Variants in CD36 observed in about 807,000 individuals in gnomAD.
The protein encoded by CD36 is platelet glycoprotein 4.
CD36 carries 119 observed loss-of-function variants against 55.2 expected under a neutral mutation model. The ratio of observed to expected loss-of-function variants is 2.15; its 90% CI spans 1.86 to 2.51. The LOEUF is 2.51. Among genes scored for constraint, CD36 ranks in the 30% most tolerant of loss-of-function variants. CD36 has a pLI of 0.00. For missense variants in CD36, 819 were observed against 555.5 expected (o/e 1.47, Z -4.77); for synonymous variants, 186 against 193.6 (o/e 0.96, Z 0.33).
intron 8 of CD36, among the ~76,000 whole-genome samples, chr7:80,667,052 G>C (rs1264130227): frequency 2.6e-5 from 4 of 152,106 alleles, no homozygotes; most frequent in Non-Finnish European, 4.4e-5. Flanking sequence ...TTAGATTTAA[G>C]GTATGGTTAG....
At chr7:80,603,740 A>C (rs1374345847) in intron 1 of CD36, among the ~76,000 whole-genome samples, 1 of 149,968 alleles carries the variant, frequency 6.7e-6, no homozygotes, top group Non-Finnish European at 1.5e-5. Flanking sequence ...GGAAAAGATA[A>C]GCTCTGGAAC....
rs1797601816 is a variant in CD36 at position 80,670,967 on chromosome 7, C to G, written c.819-10C>G. The G allele has an allele frequency of 1.9e-6, 3 of 1,600,670 alleles. No individual in the cohort carries two copies. In the South Asian group the frequency reaches 3.3e-5, roughly 18 times the overall value. On this transcript the variant is annotated splice_polypyrimidine_tract_variant and intron_variant, in intron 9 of 14. Transcript: ENST00000447544. Reference sequence around the variant, plus strand: ...TTCCTGGAATGCAGCTCTTTTTTCTCTGTATTTAGGTCAATCTATGCTGTA... The same window carrying G: ...TTCCTGGAATGCAGCTCTTTTTTCTGTGTATTTAGGTCAATCTATGCTGTA...
At chr7:80,611,116 C>G (rs941376689) in intron 1 of CD36, among the ~76,000 whole-genome samples, 2 of 152,104 alleles carry the variant, frequency 1.3e-5, no homozygotes, top group African/African-American at 4.8e-5. Context: ...CTCATGGCCT[C>G]AAGCAATCCT....
intron 5 of CD36, chr7:80,662,521 GCAA>G (rs1287128507): frequency 5.6e-5 from 16 of 287,278 alleles, no homozygotes; most frequent in African/African-American, 3.7e-4. Context: ...GAACACGCCT[GCAA>G]CAATTGTCTG....
At chr7:80,668,959 ATTC>A (rs1463033018) in intron 8 of CD36, among the ~76,000 whole-genome samples, 1 of 152,234 alleles carries the variant, frequency 6.6e-6, no homozygotes, top group South Asian at 2.1e-4. Context: ...CAAAAAGTAA[ATTC>A]AATAAATGAC....
At chr7:80,615,693 C>T (rs1017401495) in intron 1 of CD36, among the ~76,000 whole-genome samples, 4 of 152,168 alleles carry the variant, frequency 2.6e-5, no homozygotes, top group Admixed American at 1.3e-4. Flanking sequence ...TTCTTTAGTA[C>T]GTTTCCTTTC....
At chr7:80,632,439 A>G (rs1794135172) in intron 1 of CD36, among the ~76,000 whole-genome samples, 1 of 152,066 alleles carries the variant, frequency 6.6e-6, no homozygotes, top group African/African-American at 2.4e-5. Flanking sequence ...GCATATCTGC[A>G]TATGTATTTC....
At chr7:80,636,927 A>G (rs994946153), upstream of CD36, 1 of 152,062 alleles carries the variant, frequency 6.6e-6, no homozygotes, top group Non-Finnish European at 1.5e-5. Context: ...TGGACTGCTC[A>G]TGGGACTCTG....
At chr7:80,603,692 A>T (rs1300029675) in intron 1 of CD36, among the ~76,000 whole-genome samples, 1 of 146,758 alleles carries the variant, frequency 6.8e-6, no homozygotes. Context: ...AGTTCAAGAA[A>T]GCTAACACCT....
intron 8 of CD36, among the ~76,000 whole-genome samples, chr7:80,669,595 A>G (rs1554345243): frequency 6.6e-6 from 1 of 151,782 alleles, no homozygotes; most frequent in Non-Finnish European, 1.5e-5. Flanking sequence ...AGGCAGGCCT[A>G]TCCTGCCTCA....
chr7:80,615,899 A>G (rs565840055), intron 1 of CD36, among the ~76,000 whole-genome samples: 40 of 152,200 alleles, frequency 2.6e-4, no homozygotes, highest in African/African-American at 9.1e-4. Flanking sequence ...TTCACTTTTC[A>G]TTTGTCAGGA....
At chr7:80,636,216 G>T (rs1370284809), upstream of CD36, among the ~76,000 whole-genome samples, 1 of 152,084 alleles carries the variant, frequency 6.6e-6, no homozygotes, top group Admixed American at 6.6e-5. Context: ...ATGAAATGGG[G>T]AGTGTTGAGT....
At chr7:80,657,028 A>G (rs3211864) in intron 4 of CD36, among the ~76,000 whole-genome samples, 10,245 of 152,220 alleles carry the variant, frequency 0.067, 374 homozygotes, top group Middle Eastern at 0.12. Context: ...TTATTGTGGC[A>G]TATATTCTCA....
chr7:80,662,906 A>T, intron 5 of CD36, 84 bp from the exon 6 acceptor site: 1 of 1,125,600 alleles, frequency 8.9e-7, no homozygotes, highest in South Asian at 1.3e-5. Flanking sequence ...GTTTTGTATT[A>T]AGCTCAATAT....
At chr7:80,673,454 A>G (rs758060335) in intron 13 of CD36, 45 bp downstream of exon 13, 2 of 1,078,970 alleles carry the variant, frequency 1.9e-6, no homozygotes, top group Non-Finnish European at 2.9e-6. Flanking sequence ...CCTTCTTTGT[A>G]TATAAACAAG....
rs1047024556 is a variant in CD36, at chr7:80,678,905, A to G, written c.*2522A>G. On this transcript the variant is annotated 3_prime_UTR_variant, in exon 15 of 15. Coordinates refer to ENST00000447544, the MANE Select transcript of CD36 (RefSeq NM_001001548.3). ...CCTGTTATCAATGTCTGAGCTACAT[A>G]ATTATCTTTCTAGTTGGAGTTTGTT... 1 of 151,440 alleles carries G rather than the reference A, an allele frequency of 6.6e-6. No individual in the cohort carries two copies. The highest frequency in any genetic ancestry group is 2.4e-5 in the African/African-American group (1 of 41,284). 9.4% of individuals were successfully genotyped at this position (151,440 alleles called of 1,614,324 possible). A position where few individuals can be genotyped will look rare whatever the true frequency, so the allele number is the denominator to read the frequency against.
chr7:80,651,237 G>C lies in CD36; in HGVS notation c.120+4377G>C, dbSNP rs1584385074. Among the ~76,000 whole-genome samples the C allele has an allele frequency of 2.0e-5, 3 of 152,176 alleles. No homozygotes were observed. In the East Asian group the frequency reaches 5.8e-4, roughly 30 times the overall value. ...ACAATAGACACCTGGGGCTAATCGA[G>C]GGTGGGAAGGGGGAGGAGAGCGGAG... On this transcript the variant is annotated intron_variant, in intron 3 of 14. Transcript: ENST00000447544.
In CD36 at chr7:80,664,414, T is replaced by C; in HGVS notation, c.618T>C (p.Asn206=). The change falls in exon 7 of 15, where the codon AAT becomes AAC. Residue 206 remains asparagine, a synonymous_variant. Transcript: ENST00000447544. ...TTVGLFYPYN[N]TADGVYKVFN... is the part of the protein sequence containing the mutation. ...CCATACATATATTTCAGTACAACAA[T>C]ACTGCAGATGGAGTTTATAAAGTTT... The C allele has an allele frequency of 1.9e-6, 3 of 1,539,208 alleles. No individual in the cohort carries two copies. Among genetic ancestry groups the C allele is most frequent in the South Asian group, 2.2e-5 (2 of 89,596 alleles).
At chr7:80,631,914 G>A (rs1794092885) in intron 1 of CD36, among the ~76,000 whole-genome samples, 2 of 151,676 alleles carry the variant, frequency 1.3e-5, no homozygotes, top group Admixed American at 6.6e-5. Context: ...AACCAAAAAT[G>A]CATTTAGTGT....
Sources: allele counts gnomAD v4.1 joint callset (sites outside exome capture counted in the v4.1 genomes callset), GRCh38; gene constraint gnomAD v4.1.1; transcripts MANE v1.5; gene names NCBI Gene and HGNC (gene_info 2026-07-23, HGNC 2026-07-21).